Variants in LRP1B observed in about 807,000 individuals in gnomAD.
LRP1B encodes LDL receptor related protein 1B, also known as low-density lipoprotein receptor-related protein 1B.
LRP1B carries 217 observed loss-of-function variants against 556.6 expected under a neutral mutation model. The ratio of observed to expected loss-of-function variants is 0.39; its 90% CI spans 0.35 to 0.44. LRP1B has a LOEUF of 0.44. Ranked by LOEUF, LRP1B falls within the 20% of genes least tolerant of loss-of-function variation. The probability of loss-of-function intolerance (pLI) is 1.00; values close to 1 mark genes in which losing one functional copy is unlikely to be tolerated. For missense variants in LRP1B, 5,053 were observed against 5,620.8 expected, an observed-to-expected ratio of 0.90 and a Z score of 3.23; for synonymous variants, 2,047 against 1,865.8, an observed-to-expected ratio of 1.10 and a Z score of -2.50.
chr2:141,158,449 A>G (rs932281538), intron 7 of LRP1B, among the ~76,000 whole-genome samples: 17 of 152,116 alleles, frequency 1.1e-4, no homozygotes, highest in Non-Finnish European at 2.2e-4. Flanking sequence ...GAAGCAGAGA[A>G]AGCTTGTGAT....
chr2:140,392,389 T>C (rs1684061866), intron 66 of LRP1B, among the ~76,000 whole-genome samples: 1 of 152,158 alleles, frequency 6.6e-6, no homozygotes, highest in Non-Finnish European at 1.5e-5. Context: ...CTGAGACAAA[T>C]GCATATCTGA....
intron 84 of LRP1B, 28 bp downstream of exon 84, chr2:140,297,780 C>T (rs2105000217): frequency 1.3e-6 from 2 of 1,584,448 alleles, no homozygotes; most frequent in Non-Finnish European, 1.7e-6. Flanking sequence ...AACATCAAAG[C>T]TGGCTTCTGG....
intron 1 of LRP1B, among the ~76,000 whole-genome samples, chr2:141,893,151 A>G (rs1220533543): frequency 9.2e-5 from 14 of 152,150 alleles, no homozygotes. Context: ...TTTATTTTAA[A>G]TAAAAACTAT....
chr2:140,808,605 A>T (rs1690811051), intron 32 of LRP1B, among the ~76,000 whole-genome samples: 1 of 152,102 alleles, frequency 6.6e-6, no homozygotes, highest in African/African-American at 2.4e-5. Context: ...TTACTCATTT[A>T]TCTGCTTTAT....
chr2:140,327,980 T>G (rs1342423472), intron 79 of LRP1B, among the ~76,000 whole-genome samples: 1 of 152,048 alleles, frequency 6.6e-6, no homozygotes, highest in Admixed American at 6.6e-5. Context: ...ATAAAAGAGA[T>G]AGTCTTCTAA....
chr2:142,091,381 A>C (rs180885369), intron 1 of LRP1B, among the ~76,000 whole-genome samples: 120 of 152,284 alleles, frequency 7.9e-4, no homozygotes, highest in African/African-American at 2.8e-3. Flanking sequence ...CATATAATAA[A>C]AAATAAAATT....
intron 2 of LRP1B, among the ~76,000 whole-genome samples, chr2:141,486,920 T>C (rs755917403): frequency 3.4e-4 from 51 of 152,172 alleles, no homozygotes; most frequent in Non-Finnish European, 6.0e-4. Flanking sequence ...CTCCAGGGCC[T>C]CTGTGGTCCC....
intron 2 of LRP1B, among the ~76,000 whole-genome samples, chr2:141,696,608 C>T (rs1691740487): frequency 6.6e-6 from 1 of 151,896 alleles, no homozygotes; most frequent in Non-Finnish European, 1.5e-5. Flanking sequence ...TATAAGCAGT[C>T]ATGCTACAAC....
At chr2:140,913,365 CAG>C (rs974195276) in intron 21 of LRP1B, among the ~76,000 whole-genome samples, 3 of 151,822 alleles carry the variant, frequency 2.0e-5, no homozygotes, top group East Asian at 1.9e-4. Flanking sequence ...ATATAACCAT[CAG>C]AGAGTGCTAT....
chr2:141,211,794 C>G (rs1171705551), intron 6 of LRP1B, among the ~76,000 whole-genome samples: 1 of 152,114 alleles, frequency 6.6e-6, no homozygotes, highest in Non-Finnish European at 1.5e-5. Context: ...GAAGGGAATT[C>G]TGAAAATTCT....
chr2:141,642,412 A>T (rs2105366308), intron 2 of LRP1B, among the ~76,000 whole-genome samples: 1 of 152,268 alleles, frequency 6.6e-6, no homozygotes, highest in African/African-American at 2.4e-5. Context: ...TTCCTATCAT[A>T]TGAGCTGGAG....
intron 21 of LRP1B, among the ~76,000 whole-genome samples, chr2:140,921,372 C>T (rs1694732430): frequency 6.6e-6 from 1 of 151,854 alleles, no homozygotes; most frequent in Non-Finnish European, 1.5e-5. Flanking sequence ...AAACTGTTAC[C>T]TGCTGTATTT....
chr2:141,342,515 G>T (rs976064647), intron 3 of LRP1B, among the ~76,000 whole-genome samples: 4 of 151,996 alleles, frequency 2.6e-5, no homozygotes, highest in African/African-American at 9.6e-5. Context: ...AACCCATTTA[G>T]AGAAGAACAT....
intron 66 of LRP1B, among the ~76,000 whole-genome samples, chr2:140,410,193 T>C (rs1684912588): frequency 6.6e-6 from 1 of 152,072 alleles, no homozygotes; most frequent in Non-Finnish European, 1.5e-5. Flanking sequence ...TTATAGAATG[T>C]TAGTCTCCTT....
intron 24 of LRP1B, among the ~76,000 whole-genome samples, chr2:140,885,901 T>A (rs1274974787): frequency 1.3e-5 from 2 of 150,790 alleles, no homozygotes; most frequent in African/African-American, 4.9e-5. Flanking sequence ...TTCTTTGCCA[T>A]CAGTCCATGG....
intron 17 of LRP1B, among the ~76,000 whole-genome samples, chr2:140,985,959 C>A (rs1696909759): frequency 6.6e-6 from 1 of 151,724 alleles, no homozygotes; most frequent in Admixed American, 6.6e-5. Flanking sequence ...CCCTCTCTTT[C>A]CAGAGGTAAC....
intron 32 of LRP1B, among the ~76,000 whole-genome samples, chr2:140,789,592 T>C (rs1043439953): frequency 6.7e-6 from 1 of 149,030 alleles, no homozygotes; most frequent in Non-Finnish European, 1.5e-5. Flanking sequence ...AGCTGAGGCA[T>C]GCCAAGCACG....
intron 2 of LRP1B, among the ~76,000 whole-genome samples, chr2:141,522,948 T>C (rs1190314693): frequency 6.6e-6 from 1 of 152,168 alleles, no homozygotes; most frequent in East Asian, 1.9e-4. Context: ...GACTGTCAGA[T>C]CTGCCAGGAA....
At chr2:141,177,549 C>T (rs990451531) in intron 7 of LRP1B, among the ~76,000 whole-genome samples, 1 of 152,012 alleles carries the variant, frequency 6.6e-6, no homozygotes, top group Admixed American at 6.6e-5. Context: ...ATTGAACCTG[C>T]AGATTTAAAG....
Sources: gnomAD v4.1 joint callset for allele counts (sites outside exome capture counted in the v4.1 genomes callset) on GRCh38, gnomAD v4.1.1 for gene constraint, MANE v1.5 for transcripts, NCBI Gene and HGNC (gene_info 2026-07-23, HGNC 2026-07-21) for gene names.